Variants in MSI2 observed in about 807,000 individuals in gnomAD.
MSI2 encodes the protein RNA-binding protein Musashi homolog 2.
MSI2 carries 17 observed loss-of-function variants against 45.6 expected under a neutral mutation model. The observed-to-expected ratio is 0.37, with a 90% confidence interval of 0.26 to 0.56. MSI2 has a LOEUF of 0.56. Among genes scored for constraint, MSI2 ranks in the 20% least tolerant of loss-of-function variants. MSI2 has a pLI of 0.77. For missense variants in MSI2, 293 were observed against 444.2 expected, an observed-to-expected ratio of 0.66 and a Z score of 3.06; for synonymous variants, 156 against 158.2, an observed-to-expected ratio of 0.99 and a Z score of 0.11.
At chr17:57,331,914 C>A (rs1294980783) in intron 5 of MSI2, among the ~76,000 whole-genome samples, 1 of 152,130 alleles carries the variant, frequency 6.6e-6, no homozygotes, top group Non-Finnish European at 1.5e-5. Flanking sequence ...AGTGTTACAA[C>A]CTTGATCTTT....
intron 13 of MSI2, among the ~76,000 whole-genome samples, chr17:57,678,559 A>G (rs1425078948): frequency 1.3e-5 from 2 of 152,168 alleles, no homozygotes; most frequent in East Asian, 3.9e-4. Context: ...AAGGCCAGAC[A>G]CTGGGGCTGC....
At chr17:57,656,106 C>T (rs963804260) in intron 11 of MSI2, among the ~76,000 whole-genome samples, 3 of 152,130 alleles carry the variant, frequency 2.0e-5, no homozygotes, top group Admixed American at 2.0e-4. Context: ...ACAGCACGGC[C>T]GTCTGAAGGA....
At chr17:57,531,026 G>A (rs2086810943) in intron 7 of MSI2, among the ~76,000 whole-genome samples, 1 of 152,140 alleles carries the variant, frequency 6.6e-6, no homozygotes. Flanking sequence ...GGGGCATGCA[G>A]GTGTGGAATG....
In MSI2 at chr17:57,280,449, T is replaced by A. The variant is rs2143369896; in HGVS notation, c.312+18257T>A. Among the ~76,000 whole-genome samples, 1 of 152,256 alleles carries A rather than the reference T, an allele frequency of 6.6e-6. No homozygotes were observed. Among genetic ancestry groups the A allele is most frequent in the African/African-American group, 2.4e-5 (1 of 41,544 alleles). On this transcript the variant is annotated intron_variant, in intron 5 of 13. Transcript: ENST00000284073. The surrounding 1 kb of genome is among the most constrained non-coding windows in gnomAD (Gnocchi z 4.2). ...TAGTGATGGAGACCAGTGGATGGAT[T>A]TGAGATGCATCTGAGAATTGGAGCA...
chr17:57,408,390 C>T (rs955196383), intron 6 of MSI2, among the ~76,000 whole-genome samples: 1 of 152,202 alleles, frequency 6.6e-6, no homozygotes, highest in Non-Finnish European at 1.5e-5. Flanking sequence ...TGAGATTGTG[C>T]TAATCAAATG....
At position 57,331,309 on chromosome 17, in the gene MSI2, G is replaced by C. The variant is rs562961690; in HGVS notation, c.312+69117G>C. ...TGTCCAGTCTTCTGTGTTTCCACGTGGTTCCTCGATGAACCTGGAACCCAA... is the reference window on the plus strand; with the variant it reads ...TGTCCAGTCTTCTGTGTTTCCACGTCGTTCCTCGATGAACCTGGAACCCAA... On this transcript the variant is annotated intron_variant, in intron 5 of 13. Transcript: ENST00000284073. 2.7e-3 allele frequency among the ~76,000 whole-genome samples: 407 copies of C among 152,274 alleles called. 1 individual carries two copies. Among genetic ancestry groups the C allele is most frequent in the African/African-American group, 9.4e-3 (392 of 41,544 alleles).
intron 5 of MSI2, chr17:57,264,265 T>C (rs544446588): frequency 1.2e-4 from 18 of 152,332 alleles, no homozygotes; most frequent in African/African-American, 4.3e-4. Flanking sequence ...AACCTTCGTT[T>C]TTCCATCTCA....
At chr17:57,256,071 C>G (rs1264407401), upstream of MSI2, 2 of 152,262 alleles carry the variant, frequency 1.3e-5, no homozygotes, top group South Asian at 2.1e-4. Flanking sequence ...GTGCCATTCC[C>G]GGATCTCGGC....
chr17:57,384,760 A>G (rs1347790426), intron 5 of MSI2, among the ~76,000 whole-genome samples: 1 of 152,164 alleles, frequency 6.6e-6, no homozygotes, highest in Non-Finnish European at 1.5e-5. Flanking sequence ...ATCCACTCCC[A>G]TGATTTCAGT....
chr17:57,489,985 A>G (rs193251542), intron 6 of MSI2, among the ~76,000 whole-genome samples: 115 of 152,306 alleles, frequency 7.6e-4, no homozygotes, highest in Middle Eastern at 3.4e-3. Context: ...GGCTCTATGA[A>G]CAACTTATGT....
chr17:57,258,434 G>A, intron 4 of MSI2, 80 bp downstream of exon 4: 2 of 1,140,468 alleles, frequency 1.8e-6, no homozygotes, highest in South Asian at 1.2e-5. Flanking sequence ...AAGGGACAGT[G>A]CCTTCTTTTG....
At chr17:57,365,913 A>G (rs1385213796) in intron 5 of MSI2, among the ~76,000 whole-genome samples, 1 of 152,022 alleles carries the variant, frequency 6.6e-6, no homozygotes, top group Non-Finnish European at 1.5e-5. Flanking sequence ...AATCTTCCCA[A>G]TGTTGACTAT....
chr17:57,505,811 G>A (rs2086215975), intron 6 of MSI2, among the ~76,000 whole-genome samples: 1 of 152,172 alleles, frequency 6.6e-6, no homozygotes, highest in Admixed American at 6.5e-5. Flanking sequence ...AAGCATATGG[G>A]AAATAAAAGC....
At chr17:57,694,009 T>C in the MSI2 span, among the ~76,000 whole-genome samples, 1 of 152,218 alleles carries the variant, frequency 6.6e-6, no homozygotes, top group Admixed American at 6.5e-5. Context: ...AAACTCAAAT[T>C]TCAGTGTCTA....
rs1913567899 is a variant in MSI2, at chr17:57,681,068, T to A, written c.*1551T>A. ...GAGAGGCTATGGAAGAATTTTTTTT[T>A]AATTTATTGTAGATGTAAACAGAAT... On this transcript the variant is annotated 3_prime_UTR_variant, in exon 14 of 14. Transcript: ENST00000284073. The A allele has an allele frequency of 5.4e-6, 1 of 184,852 alleles. No individual in the cohort carries two copies. Among genetic ancestry groups the A allele is most frequent in the Middle Eastern group, 2.0e-3 (1 of 496 alleles). The allele number at this position is 184,852 out of a possible 1,614,324, so 11.5% of individuals were successfully genotyped here.
chr17:57,614,507 C>T (rs1907486561), intron 8 of MSI2, among the ~76,000 whole-genome samples: 1 of 152,218 alleles, frequency 6.6e-6, no homozygotes, highest in South Asian at 2.1e-4. Flanking sequence ...CCATATGGCC[C>T]AGACTGCTCT....
intron 6 of MSI2, among the ~76,000 whole-genome samples, chr17:57,412,060 T>C (rs947193055): frequency 1.3e-5 from 2 of 151,884 alleles, no homozygotes; most frequent in African/African-American, 4.8e-5. Context: ...AAAGTCACTC[T>C]GACCTTCCTC....
the MSI2 span, among the ~76,000 whole-genome samples, chr17:57,693,983 A>G: frequency 6.6e-6 from 1 of 152,268 alleles, no homozygotes; most frequent in African/African-American, 2.4e-5. Flanking sequence ...ATTATACAAC[A>G]TAAGACAATT....
chr17:57,495,549 A>G (rs910175219), intron 6 of MSI2, among the ~76,000 whole-genome samples: 4 of 125,308 alleles, frequency 3.2e-5, no homozygotes, highest in Non-Finnish European at 6.3e-5. Flanking sequence ...AAAAAAAAAA[A>G]AAAGAAAGCT....
Sources: allele counts gnomAD v4.1 joint callset (sites outside exome capture counted in the v4.1 genomes callset), GRCh38; gene constraint gnomAD v4.1.1; non-coding constraint Gnocchi (gnomAD v3.1); transcripts MANE v1.5; gene names NCBI Gene and HGNC (gene_info 2026-07-23, HGNC 2026-07-21).